Variants in ZNF605 observed in about 807,000 individuals in gnomAD.
The protein encoded by ZNF605 is zinc finger protein 605.
In ZNF605, 9 loss-of-function variants were observed where a neutral mutation model predicts 7.9. That is an observed-to-expected ratio of 1.14 (90% CI 0.68 to 1.98). The LOEUF is 1.98. Ranked by LOEUF, ZNF605 falls within the 30% of genes most tolerant of loss-of-function variation. The pLI, the probability that ZNF605 is intolerant of heterozygous loss-of-function variation, is 0.00. For synonymous variants in ZNF605, 255 were observed against 260.1 expected, an observed-to-expected ratio of 0.98 and a Z score of 0.19; for missense variants, 673 against 762.4, an observed-to-expected ratio of 0.88 and a Z score of 1.38.
At chr12:132,939,603 A>G (rs1416413886) in intron 3 of ZNF605, among the ~76,000 whole-genome samples, 2 of 152,180 alleles carry the variant, frequency 1.3e-5, no homozygotes, top group East Asian at 1.9e-4. Context: ...AAACGCACCA[A>G]TCAGCGCCCT....
intron 3 of ZNF605, among the ~76,000 whole-genome samples, chr12:132,940,064 C>T (rs879957): frequency 0.41 from 62,820 of 151,402 alleles, 14,365 homozygotes; most frequent in Middle Eastern, 0.55. Flanking sequence ...CGAGGGTCCG[C>T]GGCTTCATTC....
At position 132,924,545 on chromosome 12, in the gene ZNF605, C is replaced by G. The variant is rs868505751; in HGVS notation, c.*828G>C. 1 of 152,280 alleles carries G rather than the reference C, an allele frequency of 6.6e-6. No homozygotes were observed. Among genetic ancestry groups the G allele is most frequent in the Non-Finnish European group, 1.5e-5 (1 of 68,128 alleles). 9.4% of individuals were successfully genotyped at this position (152,280 alleles called of 1,614,324 possible). A position where few individuals can be genotyped will look rare whatever the true frequency, so the allele number is the denominator to read the frequency against. ...CCCCTGGAAATTCTAGCTGCTGTGG[C>G]CTCCCCAACTGCCAGTCCTGTCTCT... On this transcript the variant is annotated 3_prime_UTR_variant, in exon 5 of 5. Coordinates refer to ENST00000360187, the MANE Select transcript of ZNF605 (RefSeq NM_183238.4).
At position 132,933,155 on chromosome 12, in the gene ZNF605, T is replaced by A. The variant is rs1952323794; in HGVS notation, c.16A>T (p.Ile6Leu). The change falls in exon 4 of 5, where the codon ATA becomes TTA. Residue 6 changes from isoleucine to leucine, a missense_variant and splice_region_variant. Physicochemically the swap from Ile to Leu is conservative, Grantham distance 5 (BLOSUM62 2). Coordinates refer to ENST00000360187, the MANE Select transcript of ZNF605 (RefSeq NM_183238.4). The surrounding 1 kb of genome is among the most constrained non-coding windows in gnomAD (Gnocchi z 4.4). ...TCCACAGCCACATCCTCAAATGATATCTGGAAAAGCATAATCCCTGTTAAA... is the reference window on the plus strand; with the variant it reads ...TCCACAGCCACATCCTCAAATGATAACTGGAAAAGCATAATCCCTGTTAAA... MIQSQISFEDVAVDFT... is the reference protein window; with the variant it reads MIQSQLSFEDVAVDFT... 1 of 1,605,852 alleles carries A rather than the reference T, an allele frequency of 6.2e-7. No individual in the cohort carries two copies. The highest frequency in any genetic ancestry group is 1.1e-5 in the South Asian group (1 of 89,838).
In ZNF605 at chr12:132,941,913, G is replaced by A. The variant is rs1952447201; in HGVS notation, c.15+3708C>T. ...CAGTTACAGACACCTCAGACTCCAC[G>A]GGGCACGGTGCAAGGCCCTTTCATC... On this transcript the variant is annotated intron_variant, in intron 3 of 4. Coordinates refer to ENST00000360187, the MANE Select transcript of ZNF605 (RefSeq NM_183238.4). This position sits in a 1 kb window ranked among gnomAD's most constrained non-coding sequence, Gnocchi z 5.1. Among the ~76,000 whole-genome samples the A allele has an allele frequency of 6.6e-6, 1 of 152,288 alleles. No homozygotes were observed. Among genetic ancestry groups the A allele is most frequent in the East Asian group, 1.9e-4 (1 of 5,178 alleles).
intron 4 of ZNF605, among the ~76,000 whole-genome samples, chr12:132,931,414 T>C (rs1952308056): frequency 6.6e-6 from 1 of 152,182 alleles, no homozygotes. Flanking sequence ...TTTCAGATAA[T>C]GTCCATCAGG....
intron 3 of ZNF605, among the ~76,000 whole-genome samples, chr12:132,938,674 C>A (rs1237878630): frequency 6.6e-6 from 1 of 152,194 alleles, no homozygotes; most frequent in Non-Finnish European, 1.5e-5. Context: ...CCCTTCAGTC[C>A]CCCACTGCAC....
chr12:132,938,272 G>A (rs1952389364), intron 3 of ZNF605, among the ~76,000 whole-genome samples: 1 of 151,772 alleles, frequency 6.6e-6, no homozygotes, highest in South Asian at 2.1e-4. Flanking sequence ...GAGCCACTGT[G>A]CCAGGCCGAT....
chr12:132,952,412 G>C (rs1353624783), intron 1 of ZNF605, among the ~76,000 whole-genome samples: 1 of 139,596 alleles, frequency 7.2e-6, no homozygotes, highest in Non-Finnish European at 1.5e-5. Flanking sequence ...AGTGAGCTGA[G>C]ATCACGCCAC....
rs1468509731 is a variant in ZNF605, at chr12:132,923,195, G to T, written c.*2178C>A. Reference sequence around the variant, plus strand: ...ACTCCAAATACGTTATCATTACTTTGGCTTTAAGCAGCCAATTCCCTTTTA... The same window carrying T: ...ACTCCAAATACGTTATCATTACTTTTGCTTTAAGCAGCCAATTCCCTTTTA... On this transcript the variant is annotated 3_prime_UTR_variant, in exon 5 of 5. Coordinates refer to ENST00000360187, the MANE Select transcript of ZNF605 (RefSeq NM_183238.4). The T allele has an allele frequency of 6.6e-6, 1 of 152,072 alleles. No homozygotes were observed. The highest frequency in any genetic ancestry group is 1.5e-5 in the Non-Finnish European group (1 of 68,008). 9.4% of individuals were successfully genotyped at this position (152,072 alleles called of 1,614,324 possible).
rs937796145 is a variant in ZNF605 at position 132,941,138 on chromosome 12, G to T, written c.15+4483C>A. Among the ~76,000 whole-genome samples, 1 of 152,146 alleles carries T rather than the reference G, an allele frequency of 6.6e-6. No homozygotes were observed. Among genetic ancestry groups the T allele is most frequent in the African/African-American group, 2.4e-5 (1 of 41,450 alleles). On this transcript the variant is annotated intron_variant, in intron 3 of 4. Transcript: ENST00000360187. This position sits in a 1 kb window ranked among gnomAD's most constrained non-coding sequence, Gnocchi z 5.1. ...AACCACCCAACTGCGCTTGCTAAAT[G>T]CAGACTAAGATGTCTTCCACTCCGG...
At chr12:132,936,058 C>G (rs1952362938) in intron 3 of ZNF605, among the ~76,000 whole-genome samples, 1 of 150,922 alleles carries the variant, frequency 6.6e-6, no homozygotes, top group Non-Finnish European at 1.5e-5. Context: ...AAGACTCCAT[C>G]TCAAAAAAAA....
chr12:132,925,947 C>A lies in ZNF605; in HGVS notation c.1352G>T (p.Cys451Phe). The change falls in exon 5 of 5, where the codon TGC (cysteine) becomes TTC (phenylalanine). Residue 451 changes from cysteine (C) to phenylalanine (F), a missense_variant. Coordinates refer to ENST00000360187, the MANE Select transcript of ZNF605 (RefSeq NM_183238.4). ...RTHTGEKPYE[C>F]SECGKAFTQK... Reference sequence around the variant, plus strand: ...GGTGAAGGCCTTCCCACACTCACTGCATTCATAAGGCTTCTCCCCAGTGTG... The same window carrying A: ...GGTGAAGGCCTTCCCACACTCACTGAATTCATAAGGCTTCTCCCCAGTGTG... The A allele has an allele frequency of 6.2e-7, 1 of 1,614,230 alleles. No individual in the cohort carries two copies. Among genetic ancestry groups the A allele is most frequent in the Non-Finnish European group, 8.5e-7 (1 of 1,180,018 alleles).
chr12:132,939,709 C>T (rs1424026971), intron 3 of ZNF605, among the ~76,000 whole-genome samples: 4 of 152,198 alleles, frequency 2.6e-5, no homozygotes, highest in Admixed American at 6.5e-5. Flanking sequence ...AGTGGCAACC[C>T]GCTCGGGTCC....
chr12:132,951,259 A>C (rs1365827359), intron 1 of ZNF605, among the ~76,000 whole-genome samples: 1 of 151,784 alleles, frequency 6.6e-6, no homozygotes, highest in Non-Finnish European at 1.5e-5. Context: ...ATACAGACGC[A>C]CATGTACATC....
intron 1 of ZNF605, among the ~76,000 whole-genome samples, chr12:132,950,940 TAC>T (rs1952555579): frequency 6.8e-6 from 1 of 147,190 alleles, no homozygotes; most frequent in Non-Finnish European, 1.5e-5. Flanking sequence ...CACAGACACG[TAC>T]ACATAGACAT....
intron 1 of ZNF605, among the ~76,000 whole-genome samples, chr12:132,953,135 A>T (rs1952589858): frequency 6.6e-6 from 1 of 152,016 alleles, no homozygotes; most frequent in African/African-American, 2.4e-5. Flanking sequence ...ACAGACCTCC[A>T]GACCACACAA....
intron 2 of ZNF605, among the ~76,000 whole-genome samples, chr12:132,947,800 G>A (rs1311263927): frequency 1.4e-5 from 2 of 144,858 alleles, no homozygotes; most frequent in East Asian, 4.1e-4. Context: ...GTGGAGTTTC[G>A]CTCTTGTTGC....
intron 1 of ZNF605, among the ~76,000 whole-genome samples, chr12:132,949,374 C>T (rs1384059152): frequency 1.3e-5 from 2 of 152,216 alleles, no homozygotes; most frequent in Admixed American, 6.5e-5. Context: ...TCGCCCTGAA[C>T]GTCTGCTTCT....
At chr12:132,938,930 A>G (rs1394725543) in intron 3 of ZNF605, among the ~76,000 whole-genome samples, 3 of 152,050 alleles carry the variant, frequency 2.0e-5, no homozygotes, top group Non-Finnish European at 4.4e-5. Flanking sequence ...TGGGTCCCCC[A>G]GCAGTGCTGG....
Sources: gnomAD v4.1 joint callset for allele counts (sites outside exome capture counted in the v4.1 genomes callset) on GRCh38, gnomAD v4.1.1 for gene constraint, Gnocchi (gnomAD v3.1) non-coding constraint, MANE v1.5 for transcripts, NCBI Gene and HGNC (gene_info 2026-07-23, HGNC 2026-07-21) for gene names.